The following CORO2A variants were observed in gnomAD, a reference collection of about 807,000 sequenced individuals.
CORO2A encodes the protein coronin-2A.
In CORO2A, 47 loss-of-function variants were observed where a neutral mutation model predicts 62.4. The ratio of observed to expected loss-of-function variants is 0.75; its 90% confidence interval spans 0.60 to 0.96. CORO2A has a LOEUF of 0.96. CORO2A is among the 40% of genes least tolerant of loss of function. The probability of loss-of-function intolerance (pLI) is 0.00; values close to 1 mark genes in which losing one functional copy is unlikely to be tolerated. For synonymous variants in CORO2A, 273 were observed against 268.9 expected, an observed-to-expected ratio of 1.02 and a Z score of -0.15; for missense variants, 610 against 684.1, an observed-to-expected ratio of 0.89 and a Z score of 1.21.
intron 1 of CORO2A, among the ~76,000 whole-genome samples, chr9:98,159,156 C>T (rs1212056465): frequency 1.3e-5 from 2 of 152,036 alleles, no homozygotes; most frequent in Non-Finnish European, 2.9e-5. Flanking sequence ...AACTCCTGAC[C>T]TCAAGGATCC....
intron 2 of CORO2A, among the ~76,000 whole-genome samples, chr9:98,146,160 G>C (rs1827641708): frequency 6.6e-6 from 1 of 152,168 alleles, no homozygotes; most frequent in African/African-American, 2.4e-5. Flanking sequence ...CAGGGGCTCT[G>C]CCTGCCCTTG....
rs770935921 is a variant in CORO2A at position 98,133,226 on chromosome 9, C to G, written c.469-9G>C. 1 of 1,613,796 alleles carries G rather than the reference C, an allele frequency of 6.2e-7. No individual in the cohort carries two copies. Among genetic ancestry groups the G allele is most frequent in the Non-Finnish European group, 8.5e-7 (1 of 1,179,826 alleles). ...AGGTTCCAGATCATCACCTGCATGG[C>G]AGAGAGCCAGCTCTGAGCACAGGGG... is the stretch of plus-strand genomic sequence containing the variant. On this transcript the variant is annotated splice_polypyrimidine_tract_variant and intron_variant, in intron 4 of 11. Coordinates refer to ENST00000375077, the MANE Select transcript of CORO2A (RefSeq NM_052820.4).
intron 2 of CORO2A, among the ~76,000 whole-genome samples, chr9:98,140,455 T>G (rs1827550393): frequency 6.6e-6 from 1 of 151,900 alleles, no homozygotes; most frequent in Non-Finnish European, 1.5e-5. Context: ...TTTTTTTTTT[T>G]TAAGAGACAG....
At chr9:98,168,946 G>A (rs1377606491) in intron 1 of CORO2A, among the ~76,000 whole-genome samples, 2 of 152,292 alleles carry the variant, frequency 1.3e-5, no homozygotes, top group East Asian at 1.9e-4. Flanking sequence ...GCATCTCTCC[G>A]GGCTGGGTTC....
At position 98,128,608 on chromosome 9, in the gene CORO2A, C is replaced by T. The variant is rs767760132; in HGVS notation, c.1079G>A (p.Arg360Gln). The T allele has an allele frequency of 1.2e-5, 19 of 1,613,746 alleles. No individual in the cohort carries two copies. Among genetic ancestry groups the T allele is most frequent in the East Asian group, 6.7e-5 (3 of 44,898 alleles). The change falls in exon 9 of 12, where the codon CGG becomes CAG. Residue 360 changes from arginine to glutamine, a missense_variant and splice_region_variant. Coordinates refer to ENST00000375077, the MANE Select transcript of CORO2A (RefSeq NM_052820.4). The part of the protein sequence containing the change: ...IEPISMIVPR[R>Q]SESYQEDIYP... ...CCATGCGGTCCCGACTGCCCTTACCCGCCGGGGCACAATCATGGAGATGGG... is the reference window on the plus strand; with the variant it reads ...CCATGCGGTCCCGACTGCCCTTACCTGCCGGGGCACAATCATGGAGATGGG...
chr9:98,131,200 T>C, intron 6 of CORO2A, 141 bp from the exon 7 acceptor site: 1 of 615,484 alleles, frequency 1.6e-6, no homozygotes, highest in Non-Finnish European at 2.9e-6. Context: ...TTTATATGTG[T>C]GTGCGGGGGG....
At position 98,181,334 on chromosome 9, in the gene CORO2A, C is replaced by CTTT. The variant is rs575456152; in HGVS notation, c.-1+11222_-1+11224dup. Among the ~76,000 whole-genome samples, 14 of 112,216 alleles carry CTTT rather than the reference C, an allele frequency of 1.2e-4. 1 individual carries two copies. The highest frequency in any genetic ancestry group is 2.2e-4 in the African/African-American group (6 of 27,132). The allele number at this position is 112,216 out of a possible 152,430, so 73.6% of individuals were successfully genotyped here. A position where few individuals can be genotyped will look rare whatever the true frequency, so the allele number is the denominator to read the frequency against. On this transcript the variant is annotated intron_variant, in intron 1 of 11. Coordinates refer to ENST00000375077, the MANE Select transcript of CORO2A (RefSeq NM_052820.4). The stretch of plus-strand genomic sequence containing the variant: ...ACCTTCAAATCATCTCTCTCTCTTG[C>CTTT]TTTTTTTTTTTTTTTTTTTTTTTAA...
chr9:98,124,842 G>A lies in CORO2A; in HGVS notation c.1510C>T (p.Arg504Ter), dbSNP rs1447853648. ...IRRLRELLTQREVQAKQLELE... is the reference protein window; with the variant it reads ...IRRLRELLTQ ...TCCAACTGTTTGGCCTGGACCTCTCGCTGGGTCAACAGCTCCCGGAGCCTT... is the reference window on the plus strand; with the variant it reads ...TCCAACTGTTTGGCCTGGACCTCTCACTGGGTCAACAGCTCCCGGAGCCTT... The change falls in exon 12 of 12, where the codon CGA becomes TGA. Residue 504 changes from arginine to a stop codon, truncating the protein, a stop_gained. Transcript: ENST00000375077. LOFTEE classifies it high-confidence loss of function. 5.0e-6 allele frequency: 8 copies of A among 1,604,068 alleles called. No individual in the cohort carries two copies. Among genetic ancestry groups the A allele is most frequent in the East Asian group, 2.2e-5 (1 of 44,740 alleles).
chr9:98,128,694 G>A lies in CORO2A; in HGVS notation c.993C>T (p.Asp331=), dbSNP rs1241496233. 15 of 1,614,160 alleles carry A rather than the reference G, an allele frequency of 9.3e-6. No homozygotes were observed. The highest frequency in any genetic ancestry group is 2.2e-5 in the East Asian group (1 of 44,876). ...GIGVMPKRGL[D]VSSCEIFRFY... ...AGCGGAAGATCTCGCAGGAGGACAC[G>A]TCGAGTCCTCTCTTTGGCATGACAC... The change falls in exon 9 of 12, where the codon GAC becomes GAT. Residue 331 remains aspartate, a synonymous_variant. Transcript: ENST00000375077.
chr9:98,184,220 T>C (rs1828210453), intron 1 of CORO2A, among the ~76,000 whole-genome samples: 1 of 137,884 alleles, frequency 7.3e-6, no homozygotes, highest in South Asian at 2.3e-4. Flanking sequence ...AAGTATAAAA[T>C]TATTTTATTT....
At chr9:98,142,055 T>TA (rs1008909691) in intron 2 of CORO2A, among the ~76,000 whole-genome samples, 18 of 152,204 alleles carry the variant, frequency 1.2e-4, no homozygotes, top group African/African-American at 4.3e-4. Context: ...GTTTTGCAAT[T>TA]AAAAAAGGTG....
chr9:98,154,352 T>TATATATATATATATACATAC (rs71369555), intron 2 of CORO2A, among the ~76,000 whole-genome samples: 7 of 94,056 alleles, frequency 7.4e-5, no homozygotes, highest in South Asian at 3.6e-4. Context: ...TATATATATA[T>TATATATATATATATACATAC]ACACAAATAC....
chr9:98,123,047 G>A lies in CORO2A; in HGVS notation c.*1727C>T, dbSNP rs1056879462. On this transcript the variant is annotated 3_prime_UTR_variant, in exon 12 of 12. Transcript: ENST00000375077. Reference sequence around the variant, plus strand: ...TTTCTCTTAGGTCAAGGTTTCAGGTGGCAGATCCTGCAGAGAGCAGCTTGT... The same window carrying A: ...TTTCTCTTAGGTCAAGGTTTCAGGTAGCAGATCCTGCAGAGAGCAGCTTGT... 3.9e-5 allele frequency: 6 copies of A among 152,280 alleles called. No homozygotes were observed. Among genetic ancestry groups the A allele is most frequent in the African/African-American group, 1.4e-4 (6 of 41,456 alleles). The allele number at this position is 152,280 out of a possible 1,614,324, so 9.4% of individuals were successfully genotyped here. A position where few individuals can be genotyped will look rare whatever the true frequency, so the allele number is the denominator to read the frequency against.
At chr9:98,137,441 C>A (rs959575035) in intron 3 of CORO2A, 131 bp downstream of exon 3, 2 of 747,110 alleles carry the variant, frequency 2.7e-6, no homozygotes, top group Non-Finnish European at 4.7e-6. Context: ...TAACTTAACA[C>A]CTCCCCACAC....
chr9:98,173,841 G>A (rs957462412), intron 1 of CORO2A, among the ~76,000 whole-genome samples: 4 of 152,202 alleles, frequency 2.6e-5, no homozygotes, highest in African/African-American at 9.6e-5. Flanking sequence ...TTTGGTCTGG[G>A]TGTGGTGGCT....
intron 1 of CORO2A, among the ~76,000 whole-genome samples, chr9:98,159,920 T>G (rs3780458): frequency 0.27 from 40,451 of 152,046 alleles, 7,444 homozygotes; most frequent in African/African-American, 0.53. Context: ...ATAAAGAAGA[T>G]GCTCACCCAG....
At chr9:98,132,460 G>A (rs557124942) in intron 5 of CORO2A, among the ~76,000 whole-genome samples, 159 bp from the exon 6 acceptor site, 14 of 152,286 alleles carry the variant, frequency 9.2e-5, no homozygotes, top group Admixed American at 2.6e-4. Context: ...GGCACCACCT[G>A]GATCCCTCTC....
chr9:98,177,065 C>G (rs188628247), intron 1 of CORO2A, among the ~76,000 whole-genome samples: 1 of 152,274 alleles, frequency 6.6e-6, no homozygotes, highest in Admixed American at 6.5e-5. Flanking sequence ...ATTGTGAGCT[C>G]AAGGGTCATT....
intron 7 of CORO2A, 27 bp from the exon 8 acceptor site, chr9:98,129,917 G>A (rs1362970195): frequency 6.3e-7 from 1 of 1,578,914 alleles, no homozygotes; most frequent in African/African-American, 1.3e-5. Flanking sequence ...GGAAGAGGAG[G>A]GTGAGATTCA....
Sources: allele counts gnomAD v4.1 joint callset (sites outside exome capture counted in the v4.1 genomes callset), GRCh38; gene constraint gnomAD v4.1.1; transcripts MANE v1.5; gene names NCBI Gene and HGNC (gene_info 2026-07-23, HGNC 2026-07-21).